The following REPS1 variants were observed in gnomAD, a reference collection of about 807,000 sequenced individuals.
The protein encoded by REPS1 is RALBP1 associated Eps domain containing 1.
REPS1 carries 39 observed loss-of-function variants against 100.9 expected under a neutral mutation model. The ratio of observed to expected loss-of-function variants is 0.39; its 90% CI spans 0.30 to 0.50. The LOEUF is 0.50. REPS1 is among the 20% of genes least tolerant of loss of function. REPS1 has a pLI of 0.86. For missense variants in REPS1, 821 were observed against 968.5 expected, an observed-to-expected ratio of 0.85 and a Z score of 2.02; for synonymous variants, 324 against 340.3, an observed-to-expected ratio of 0.95 and a Z score of 0.53.
intron 1 of REPS1, 145 bp downstream of exon 1, chr6:138,987,385 G>A (rs1785330192): frequency 1.2e-6 from 1 of 850,798 alleles, no homozygotes; most frequent in Non-Finnish European, 1.7e-6. Context: ...CAGGCCTCCC[G>A]GGCACCTGCG....
intron 10 of REPS1, among the ~76,000 whole-genome samples, chr6:138,922,335 A>AT (rs552645537): frequency 2.6e-5 from 4 of 152,020 alleles, no homozygotes; most frequent in South Asian, 2.1e-4. Context: ...AAAGGAATCC[A>AT]TTTTTTTTAA....
At chr6:138,946,883 ACT>A (rs758556140) in intron 2 of REPS1, among the ~76,000 whole-genome samples, 12 of 152,116 alleles carry the variant, frequency 7.9e-5, no homozygotes, top group Admixed American at 4.6e-4. Flanking sequence ...ATATGGTTTG[ACT>A]CTGTGTTCCC....
chr6:138,926,548 A>AT, intron 9 of REPS1, 67 bp from the exon 10 acceptor site: 1 of 1,127,380 alleles, frequency 8.9e-7, no homozygotes, highest in Non-Finnish European at 1.3e-6. Flanking sequence ...ACTGGAGAAG[A>AT]TTTAGCAAAG....
chr6:138,945,106 G>A (rs1562541599), intron 4 of REPS1, 113 bp downstream of exon 4: 1 of 857,212 alleles, frequency 1.2e-6, no homozygotes, highest in Non-Finnish European at 1.7e-6. Context: ...TGTGGCACAA[G>A]CCTATAATCC....
intron 1 of REPS1, among the ~76,000 whole-genome samples, chr6:138,958,778 C>T (rs989602063): frequency 3.9e-5 from 6 of 152,104 alleles, no homozygotes; most frequent in Non-Finnish European, 7.4e-5. Flanking sequence ...GCCAAACTAT[C>T]GTTTTTTGCT....
intron 1 of REPS1, among the ~76,000 whole-genome samples, chr6:138,980,270 T>G (rs566684515): frequency 6.6e-6 from 1 of 152,368 alleles, no homozygotes; most frequent in Non-Finnish European, 1.5e-5. Context: ...CTAGCGTATC[T>G]GCTTCCACTT....
intron 8 of REPS1, among the ~76,000 whole-genome samples, chr6:138,938,986 A>C (rs1238451201): frequency 6.6e-6 from 1 of 151,912 alleles, no homozygotes; most frequent in Non-Finnish European, 1.5e-5. Context: ...TAGCTGGGAC[A>C]ACAAGTGCAC....
intron 11 of REPS1, 145 bp from the exon 12 acceptor site, chr6:138,920,461 T>A (rs1233715084): frequency 4.2e-6 from 2 of 473,862 alleles, no homozygotes; most frequent in African/African-American, 4.0e-5. Flanking sequence ...ATATTTTTAA[T>A]AAAAACAAAT....
intron 19 of REPS1, among the ~76,000 whole-genome samples, chr6:138,906,049 T>C (rs889664291): frequency 4.6e-5 from 7 of 152,252 alleles, no homozygotes; most frequent in Admixed American, 1.3e-4. Flanking sequence ...TTTTTCAAAA[T>C]AGCTTCTATA....
At chr6:138,958,435 G>C (rs1582825231) in intron 1 of REPS1, among the ~76,000 whole-genome samples, 1 of 152,108 alleles carries the variant, frequency 6.6e-6, no homozygotes, top group South Asian at 2.1e-4. Context: ...TTGTCACATA[G>C]GTATATGTGT....
intron 1 of REPS1, among the ~76,000 whole-genome samples, chr6:138,972,701 AAT>A (rs1554297199): frequency 7.9e-5 from 12 of 151,682 alleles, no homozygotes; most frequent in African/African-American, 2.9e-4. Flanking sequence ...AAAAAAAAAA[AAT>A]TTAAGAGAAC....
intron 12 of REPS1, among the ~76,000 whole-genome samples, chr6:138,919,353 T>C (rs2128442344): frequency 6.6e-6 from 1 of 152,270 alleles, no homozygotes; most frequent in African/African-American, 2.4e-5. Context: ...CTAAATTGTG[T>C]CCTGTTTTGT....
chr6:138,948,233 C>T (rs1782765402), intron 1 of REPS1, among the ~76,000 whole-genome samples: 1 of 152,106 alleles, frequency 6.6e-6, no homozygotes, highest in Admixed American at 6.6e-5. Flanking sequence ...ACTGCACATA[C>T]AATAGGACCA....
At chr6:138,936,378 T>C (rs769785658) in intron 8 of REPS1, among the ~76,000 whole-genome samples, 1 of 152,080 alleles carries the variant, frequency 6.6e-6, no homozygotes, top group Non-Finnish European at 1.5e-5. Context: ...GCTCCTACTA[T>C]TGCTATCACC....
chr6:138,945,925 A>G (rs1368126734), intron 2 of REPS1, among the ~76,000 whole-genome samples: 3 of 152,202 alleles, frequency 2.0e-5, no homozygotes, highest in Non-Finnish European at 4.4e-5. Flanking sequence ...CTAATGAGTG[A>G]TAACAATGGC....
At chr6:138,967,105 C>T (rs1364349796) in intron 1 of REPS1, among the ~76,000 whole-genome samples, 2 of 152,258 alleles carry the variant, frequency 1.3e-5, no homozygotes, top group South Asian at 2.1e-4. Context: ...ATTGGGCCCG[C>T]TCCTGCGCAT....
chr6:138,936,086 C>T (rs1003466672), intron 8 of REPS1, among the ~76,000 whole-genome samples: 7 of 152,114 alleles, frequency 4.6e-5, no homozygotes, highest in South Asian at 2.1e-4. Context: ...CATTCACTTT[C>T]GACTTTCATA....
chr6:138,965,877 C>G (rs1783989109), intron 1 of REPS1, among the ~76,000 whole-genome samples: 1 of 152,110 alleles, frequency 6.6e-6, no homozygotes, highest in South Asian at 2.1e-4. Context: ...TATTCCAGAA[C>G]CACAATGACT....
Position 138,958,517 on chromosome 6 carries a change from G to GT in REPS1, c.154-10605_154-10604insA, listed in dbSNP as rs1554294809. On this transcript the variant is annotated intron_variant, in intron 1 of 19. Coordinates refer to ENST00000450536, the MANE Select transcript of REPS1 (RefSeq NM_001286611.2). ...CCCCTCGCCCCCCACTCCCCAACAG[G>GT]CCTGGTGTGTGTTGCTCCCCTCCCT... Among the ~76,000 whole-genome samples the GT allele has an allele frequency of 4.6e-5, 7 of 151,948 alleles. No individual in the cohort carries two copies. The East Asian group carries it at 1.4e-3, about 29-fold the overall frequency.
Sources: gnomAD v4.1 joint callset for allele counts (sites outside exome capture counted in the v4.1 genomes callset) on GRCh38, gnomAD v4.1.1 for gene constraint, MANE v1.5 for transcripts, NCBI Gene and HGNC (gene_info 2026-07-23, HGNC 2026-07-21) for gene names.